The following STPG2 variants were observed in gnomAD, a reference collection of about 807,000 sequenced individuals.
STPG2 encodes the protein sperm-tail PG-rich repeat-containing protein 2.
STPG2 carries 56 observed loss-of-function variants against 54.2 expected under a neutral mutation model. The ratio of observed to expected loss-of-function variants is 1.03; its 90% CI spans 0.83 to 1.29. The LOEUF is 1.29. Ranked by LOEUF, STPG2 falls within the 50% of genes most tolerant of loss-of-function variation. The pLI, the probability that STPG2 is intolerant of heterozygous loss-of-function variation, is 0.00. For synonymous variants in STPG2, 200 were observed against 181.8 expected, an observed-to-expected ratio of 1.10 and a Z score of -0.81; for missense variants, 596 against 544.9, an observed-to-expected ratio of 1.09 and a Z score of -0.93.
At chr4:97,841,548 T>G (rs893380464) in intron 8 of STPG2, among the ~76,000 whole-genome samples, 3 of 151,844 alleles carry the variant, frequency 2.0e-5, no homozygotes, top group Non-Finnish European at 4.4e-5. Context: ...AACAATTAGC[T>G]AACTATCTCA....
chr4:97,739,466 G>C (rs1157550263), intron 9 of STPG2, among the ~76,000 whole-genome samples: 5 of 152,084 alleles, frequency 3.3e-5, no homozygotes, highest in African/African-American at 1.2e-4. Context: ...TAGATTGCTA[G>C]CAAGACTAAT....
At chr4:97,467,750 TTAGA>T (rs1446036654) in intron 4 of STPG2, among the ~76,000 whole-genome samples, 4 of 151,508 alleles carry the variant, frequency 2.6e-5, no homozygotes, top group Admixed American at 6.6e-5. Flanking sequence ...TGCAAAATAA[TTAGA>T]TAGAGAGCAA....
At chr4:97,923,061 A>G (rs1210517541) in intron 8 of STPG2, among the ~76,000 whole-genome samples, 1 of 152,216 alleles carries the variant, frequency 6.6e-6, no homozygotes, top group African/African-American at 2.4e-5. Flanking sequence ...TTGTGTTGAT[A>G]ATAATAATAT....
At chr4:97,942,283 T>C (rs1333517947) in intron 8 of STPG2, among the ~76,000 whole-genome samples, 1 of 151,992 alleles carries the variant, frequency 6.6e-6, no homozygotes, top group Non-Finnish European at 1.5e-5. Context: ...CAATGACTCC[T>C]AAGCATAAAA....
intron 8 of STPG2, among the ~76,000 whole-genome samples, chr4:97,918,052 A>T (rs567354546): frequency 2.0e-5 from 3 of 150,948 alleles, no homozygotes; most frequent in Non-Finnish European, 4.4e-5. Context: ...AAATTAAGGC[A>T]TGCGTATATA....
chr4:97,837,622 A>G (rs979396445), intron 9 of STPG2, among the ~76,000 whole-genome samples: 2 of 151,674 alleles, frequency 1.3e-5, no homozygotes, highest in Non-Finnish European at 3.0e-5. Context: ...AACGTGTTTT[A>G]TTAGTCACAC....
chr4:97,869,649 G>C (rs938683290), intron 8 of STPG2, among the ~76,000 whole-genome samples: 2 of 151,546 alleles, frequency 1.3e-5, no homozygotes, highest in African/African-American at 4.8e-5. Context: ...CAGCAGCCAA[G>C]CTACTATAGT....
At chr4:98,066,848 T>C (rs1422023436) in intron 5 of STPG2, among the ~76,000 whole-genome samples, 1 of 152,220 alleles carries the variant, frequency 6.6e-6, no homozygotes, top group Non-Finnish European at 1.5e-5. Flanking sequence ...TTCGAGTGAC[T>C]GCTTTATTTA....
intron 3 of STPG2, among the ~76,000 whole-genome samples, chr4:98,121,866 C>T (rs548316688): frequency 3.0e-4 from 45 of 152,120 alleles, no homozygotes; most frequent in African/African-American, 9.4e-4. Context: ...GGACTACAGG[C>T]GTGCATCACC....
At chr4:98,097,676 G>C (rs1014083806) in intron 5 of STPG2, among the ~76,000 whole-genome samples, 3 of 152,258 alleles carry the variant, frequency 2.0e-5, no homozygotes, top group Non-Finnish European at 4.4e-5. Context: ...TGGAAAGGAA[G>C]AAGTCAAATT....
At chr4:98,111,119 A>T (rs111539960) in intron 3 of STPG2, among the ~76,000 whole-genome samples, 1 of 151,536 alleles carries the variant, frequency 6.6e-6, no homozygotes, top group South Asian at 2.1e-4. Context: ...AGCTGAACCC[A>T]CTTAACATCC....
intron 1 of STPG2, among the ~76,000 whole-genome samples, chr4:98,141,942 GAAAAAAA>G (rs3974892): frequency 2.2e-4 from 21 of 96,894 alleles, no homozygotes; most frequent in Admixed American, 4.6e-4. Context: ...CAGTAGTTGG[GAAAAAAA>G]AAAAAAAAAA....
chr4:97,744,410 CAT>C (rs1560511574), intron 9 of STPG2, among the ~76,000 whole-genome samples: 1 of 151,098 alleles, frequency 6.6e-6, no homozygotes, highest in Non-Finnish European at 1.5e-5. Context: ...TCTCATTACT[CAT>C]GTGTATTCAA....
At chr4:97,640,637 G>A (rs1221563208) in intron 10 of STPG2, among the ~76,000 whole-genome samples, 1 of 150,922 alleles carries the variant, frequency 6.6e-6, no homozygotes, top group Non-Finnish European at 1.5e-5. Context: ...CTCTAACTTA[G>A]AAAATAAAAG....
chr4:97,933,846 GCT>G (rs1732643152), intron 8 of STPG2, among the ~76,000 whole-genome samples: 2 of 152,064 alleles, frequency 1.3e-5, no homozygotes, highest in Admixed American at 6.6e-5. Context: ...GGCTGTACGG[GCT>G]CTCTTTTTTG....
intron 4 of STPG2, among the ~76,000 whole-genome samples, chr4:97,511,691 C>G (rs532967860): frequency 1.9e-4 from 29 of 152,038 alleles, no homozygotes; most frequent in African/African-American, 6.3e-4. Context: ...GCATGTCAAG[C>G]ATTTATCAAA....
chr4:97,738,361 A>C (rs1020972590), intron 9 of STPG2, among the ~76,000 whole-genome samples: 6 of 152,180 alleles, frequency 3.9e-5, no homozygotes, highest in African/African-American at 1.4e-4. Flanking sequence ...ACACATAACA[A>C]TATTAACTTT....
chr4:97,473,975 T>C (rs1371995121), intron 4 of STPG2, among the ~76,000 whole-genome samples: 2 of 152,102 alleles, frequency 1.3e-5, no homozygotes, highest in Admixed American at 1.3e-4. Flanking sequence ...GGTTTTTTTT[T>C]GATCACTGAA....
chr4:97,862,891 A>G (rs1261228123), intron 8 of STPG2, among the ~76,000 whole-genome samples: 1 of 152,212 alleles, frequency 6.6e-6, no homozygotes, highest in Non-Finnish European at 1.5e-5. Flanking sequence ...ACGTTCTTTG[A>G]AACTAACAAG....
Sources: gnomAD v4.1 joint callset for allele counts (sites outside exome capture counted in the v4.1 genomes callset) on GRCh38, gnomAD v4.1.1 for gene constraint, MANE v1.5 for transcripts, NCBI Gene and HGNC (gene_info 2026-07-23, HGNC 2026-07-21) for gene names.